The following HECW2 variants were observed in gnomAD, a reference collection of about 807,000 sequenced individuals.
HECW2 encodes the protein E3 ubiquitin-protein ligase HECW2.
In HECW2, 61 loss-of-function variants were observed where a neutral mutation model predicts 175.2. The ratio of observed to expected loss-of-function variants is 0.35; its 90% CI spans 0.28 to 0.43. HECW2 has a LOEUF of 0.43. Ranked by LOEUF, HECW2 falls within the 20% of genes least tolerant of loss-of-function variation. The pLI, the probability that HECW2 is intolerant of heterozygous loss-of-function variation, is 1.00. For synonymous variants in HECW2, 671 were observed against 731.0 expected (o/e 0.92, Z 1.32); for missense variants, 1,524 against 2,000.5 (o/e 0.76, Z 4.54).
rs115382097 is a variant in HECW2 at position 196,304,909 on chromosome 2, A to C, written c.2814+1579T>G. ...ACTTCTGCAGTAATTATCAAGACAG[A>C]CTTGCAGCTTCACGAATCGATTGTT... is the stretch of plus-strand genomic sequence containing the variant. On this transcript the variant is annotated intron_variant, in intron 13 of 28. Coordinates refer to ENST00000644978, the MANE Select transcript of HECW2 (RefSeq NM_001348768.2). 7.1e-3 allele frequency among the ~76,000 whole-genome samples: 1,088 copies of C among 152,340 alleles called. 6 individuals carry two copies. Among genetic ancestry groups the C allele is most frequent in the South Asian group, 0.014 (69 of 4,832 alleles).
chr2:196,381,237 G>A (rs978562799), intron 2 of HECW2, among the ~76,000 whole-genome samples: 4 of 152,100 alleles, frequency 2.6e-5, no homozygotes, highest in East Asian at 3.8e-4. Flanking sequence ...TGGTTCTCAC[G>A]TCACTGAGTC....
intron 2 of HECW2, among the ~76,000 whole-genome samples, chr2:196,384,554 C>T (rs144227849): frequency 2.9e-3 from 449 of 152,232 alleles, no homozygotes; most frequent in African/African-American, 9.9e-3. Flanking sequence ...TATACTCCAG[C>T]CTGGGCAACA....
chr2:196,415,504 G>T (rs1695230595), intron 2 of HECW2, among the ~76,000 whole-genome samples: 1 of 151,182 alleles, frequency 6.6e-6, no homozygotes, highest in Admixed American at 6.6e-5. Context: ...CTCTGAGGGT[G>T]GGAAAGCCCT....
chr2:196,377,598 C>T (rs1694088169), intron 2 of HECW2, among the ~76,000 whole-genome samples: 1 of 152,192 alleles, frequency 6.6e-6, no homozygotes, highest in Non-Finnish European at 1.5e-5. Flanking sequence ...GATTCACTTA[C>T]CTCCCACTGG....
At chr2:196,246,095 G>T (rs1198344848) in intron 19 of HECW2, among the ~76,000 whole-genome samples, 1 of 152,118 alleles carries the variant, frequency 6.6e-6, no homozygotes, top group African/African-American at 2.4e-5. Context: ...ACTAACACAG[G>T]GCAAATGTTT....
intron 2 of HECW2, among the ~76,000 whole-genome samples, chr2:196,421,435 G>A (rs942806302): frequency 1.2e-4 from 19 of 152,196 alleles, no homozygotes; most frequent in African/African-American, 3.6e-4. Context: ...ACTGATAACA[G>A]ACAAAACAGA....
chr2:196,261,730 T>C (rs569260257), intron 17 of HECW2, among the ~76,000 whole-genome samples: 2 of 152,254 alleles, frequency 1.3e-5, no homozygotes, highest in Non-Finnish European at 2.9e-5. Flanking sequence ...ACTTAATTTG[T>C]ATGTCTTTTG....
chr2:196,452,570 T>C (rs1286224917), intron 1 of HECW2, among the ~76,000 whole-genome samples: 1 of 152,174 alleles, frequency 6.6e-6, no homozygotes, highest in Non-Finnish European at 1.5e-5. Context: ...AATATAAATC[T>C]GACCTTGAAC....
intron 1 of HECW2, among the ~76,000 whole-genome samples, chr2:196,572,822 G>T (rs901603340): frequency 6.6e-6 from 1 of 152,110 alleles, no homozygotes; most frequent in Non-Finnish European, 1.5e-5. Context: ...CTGTCTATAA[G>T]CCAGAAAGAG....
intron 1 of HECW2, among the ~76,000 whole-genome samples, chr2:196,448,267 C>T (rs913800593): frequency 5.9e-5 from 9 of 152,146 alleles, no homozygotes; most frequent in Non-Finnish European, 2.9e-5. Context: ...CTTTAAGAGG[C>T]CTGCTTTCCT....
chr2:196,517,894 G>T (rs1688207634), intron 1 of HECW2, among the ~76,000 whole-genome samples: 1 of 152,152 alleles, frequency 6.6e-6, no homozygotes, highest in Non-Finnish European at 1.5e-5. Context: ...AAGGCTTGGG[G>T]TTCATAACTT....
chr2:196,424,518 G>C (rs1171468639), intron 2 of HECW2, among the ~76,000 whole-genome samples: 1 of 152,080 alleles, frequency 6.6e-6, no homozygotes, highest in Non-Finnish European at 1.5e-5. Context: ...GTTCTTGAAG[G>C]AAATTTAAAA....
intron 1 of HECW2, among the ~76,000 whole-genome samples, chr2:196,582,399 G>A (rs1354559683): frequency 6.6e-6 from 1 of 152,170 alleles, no homozygotes; most frequent in East Asian, 1.9e-4. Context: ...ATCCTAGCTT[G>A]AGGATGCCAA....
chr2:196,398,821 A>T (rs1575500896), intron 2 of HECW2, among the ~76,000 whole-genome samples: 1 of 152,288 alleles, frequency 6.6e-6, no homozygotes, highest in East Asian at 1.9e-4. Flanking sequence ...ATTTTTAAAA[A>T]TACTGAGCTA....
chr2:196,570,195 TATAAA>T (rs1176088927), intron 1 of HECW2, among the ~76,000 whole-genome samples: 6 of 152,244 alleles, frequency 3.9e-5, no homozygotes, highest in African/African-American at 7.2e-5. Context: ...TTTTCTTAAC[TATAAA>T]ATAAAATGGA....
At chr2:196,320,937 C>T (rs1399837051) in intron 7 of HECW2, among the ~76,000 whole-genome samples, 2 of 152,210 alleles carry the variant, frequency 1.3e-5, no homozygotes, top group African/African-American at 2.4e-5. Flanking sequence ...GTGCTATGCC[C>T]TGAAGAACAG....
chr2:196,499,509 G>A (rs942225683), intron 1 of HECW2, among the ~76,000 whole-genome samples: 2 of 152,132 alleles, frequency 1.3e-5, no homozygotes, highest in African/African-American at 2.4e-5. Flanking sequence ...AGGGGACCCT[G>A]TAAAGACTTC....
intron 1 of HECW2, among the ~76,000 whole-genome samples, chr2:196,536,485 CA>C: frequency 6.6e-6 from 1 of 152,302 alleles, no homozygotes; most frequent in Non-Finnish European, 1.5e-5. Flanking sequence ...CTCAGCCTCA[CA>C]AAACTCCTGC....
chr2:196,321,258 T>C (rs114092579), intron 7 of HECW2, among the ~76,000 whole-genome samples: 4,899 of 152,348 alleles, frequency 0.032, 133 homozygotes, highest in Non-Finnish European at 0.046. Flanking sequence ...GCTTGGACTG[T>C]CTGCCTCCTG....
Sources: gnomAD v4.1 joint callset for allele counts (sites outside exome capture counted in the v4.1 genomes callset) on GRCh38, gnomAD v4.1.1 for gene constraint, MANE v1.5 for transcripts, NCBI Gene and HGNC (gene_info 2026-07-23, HGNC 2026-07-21) for gene names.